Variants in MAP3K8 observed in about 807,000 individuals in gnomAD.
The protein encoded by MAP3K8 is Ewing sarcoma transformant.
MAP3K8 carries 22 observed loss-of-function variants against 45.8 expected under a neutral mutation model. That is an observed-to-expected ratio of 0.48 (90% CI 0.34 to 0.69). The LOEUF (loss-of-function observed/expected upper bound fraction) is 0.69, where lower values mean the gene tolerates loss of function less well. Ranked by LOEUF, MAP3K8 falls within the 30% of genes least tolerant of loss-of-function variation. The pLI is 0.01. For synonymous variants in MAP3K8, 223 were observed against 214.3 expected, an observed-to-expected ratio of 1.04 and a Z score of -0.36; for missense variants, 419 against 585.0, an observed-to-expected ratio of 0.72 and a Z score of 2.93.
Position 30,437,408 on chromosome 10 carries a change from T to TGGTCGTG in MAP3K8, c.-24+2_-24+3insGGTCGTG. On this transcript the variant is annotated splice_region_variant and intron_variant, in intron 2 of 8. Coordinates refer to ENST00000263056, the MANE Select transcript of MAP3K8 (RefSeq NM_005204.4). The stretch of plus-strand genomic sequence containing the variant: ...TAATCCTCACGACCACCTCATGAGG[T>TGGTCGTG]AGGTGCTGTTATTACTTCCATTTTA... 1 of 637,108 alleles carries TGGTCGTG rather than the reference T, an allele frequency of 1.6e-6. No individual in the cohort carries two copies. The highest frequency in any genetic ancestry group is 2.0e-6 in the Non-Finnish European group (1 of 511,684). 39.5% of individuals were successfully genotyped at this position (637,108 alleles called of 1,614,324 possible).
chr10:30,441,556 TAAAACAAGAAGACTAA>T (rs1469004560), intron 3 of MAP3K8, among the ~76,000 whole-genome samples: 1 of 152,126 alleles, frequency 6.6e-6, no homozygotes. Flanking sequence ...ATATAACATA[TAAAACAAGAAGACTAA>T]AAAACAGAAG....
chr10:30,456,614 A>C (rs1322481336), intron 6 of MAP3K8, among the ~76,000 whole-genome samples: 2 of 152,164 alleles, frequency 1.3e-5, no homozygotes, highest in Non-Finnish European at 2.9e-5. Flanking sequence ...CAGGATATTA[A>C]CTACTATATG....
chr10:30,449,780 G>A (rs1170184377), intron 4 of MAP3K8, among the ~76,000 whole-genome samples: 1 of 152,124 alleles, frequency 6.6e-6, no homozygotes, highest in Non-Finnish European at 1.5e-5. Context: ...AAAGTGTTGG[G>A]ATTACAGGCA....
chr10:30,439,996 C>G (rs1374147930), intron 3 of MAP3K8, among the ~76,000 whole-genome samples: 2 of 152,162 alleles, frequency 1.3e-5, no homozygotes, highest in Non-Finnish European at 2.9e-5. Flanking sequence ...GTTATTAATT[C>G]ATTTCTTGCA....
In MAP3K8 at chr10:30,437,383, T is replaced by G; in HGVS notation, c.-47T>G. 1 of 856,936 alleles carries G rather than the reference T, an allele frequency of 1.2e-6. No homozygotes were observed. The allele number at this position is 856,936 out of a possible 1,614,324, so 53.1% of individuals were successfully genotyped here. On this transcript the variant is annotated 5_prime_UTR_variant, in exon 2 of 9. Transcript: ENST00000263056. ...AGCACTTTATGAGCTTGAACTCTGT[T>G]AATCCTCACGACCACCTCATGAGGT...
At chr10:30,452,446 G>A (rs1836578328) in intron 6 of MAP3K8, among the ~76,000 whole-genome samples, 1 of 151,542 alleles carries the variant, frequency 6.6e-6, no homozygotes, top group African/African-American at 2.4e-5. Context: ...TCCAGCCTGG[G>A]CAACAAGAGT....
intron 3 of MAP3K8, among the ~76,000 whole-genome samples, chr10:30,440,706 C>T (rs770534569): frequency 3.4e-4 from 52 of 151,878 alleles, no homozygotes; most frequent in Non-Finnish European, 7.1e-4. Context: ...TTGGAGAACT[C>T]GGGTTCAAAG....
intron 4 of MAP3K8, among the ~76,000 whole-genome samples, chr10:30,449,754 C>T (rs1836472197): frequency 6.6e-6 from 1 of 152,090 alleles, no homozygotes; most frequent in African/African-American, 2.4e-5. Context: ...AAGTGATCTG[C>T]CTGTGTTGGC....
At position 30,460,643 on chromosome 10, in the gene MAP3K8, G is replaced by A. The variant is rs1297279002; in HGVS notation, c.1274-63G>A. On this transcript the variant is annotated intron_variant, in intron 8 of 8. Coordinates refer to ENST00000263056, the MANE Select transcript of MAP3K8 (RefSeq NM_005204.4). ...CCAAAGATTTATTTCACTGCAGAAG[G>A]AACAGGTATTTATCATTTGACACGT... 7 of 1,371,170 alleles carry A rather than the reference G, an allele frequency of 5.1e-6. No individual in the cohort carries two copies. In the Admixed American group the frequency reaches 1.4e-4, roughly 28 times the overall value. The allele number at this position is 1,371,170 out of a possible 1,614,324, so 84.9% of individuals were successfully genotyped here. A position where few individuals can be genotyped will look rare whatever the true frequency, so the allele number is the denominator to read the frequency against.
intron 1 of MAP3K8, chr10:30,434,796 G>A (rs1036829509): frequency 2.0e-6 from 2 of 984,378 alleles, no homozygotes; most frequent in African/African-American, 3.5e-5. Context: ...CAAATGCTGG[G>A]TGCTTTGATA....
In MAP3K8 at chr10:30,450,683, G is replaced by C. The variant is rs1318850355; in HGVS notation, c.766+164G>C. On this transcript the variant is annotated intron_variant, in intron 5 of 8. Coordinates refer to ENST00000263056, the MANE Select transcript of MAP3K8 (RefSeq NM_005204.4). The stretch of plus-strand genomic sequence containing the variant: ...AGAGACATATCTTAGAATCATGCGG[G>C]GTTACTAGAGCTTTCAAAGTCATAA... The C allele has an allele frequency of 4.8e-6, 3 of 623,846 alleles. No homozygotes were observed. In the East Asian group the frequency reaches 8.2e-5, roughly 17 times the overall value. The allele number at this position is 623,846 out of a possible 1,614,324, so 38.6% of individuals were successfully genotyped here. A position where few individuals can be genotyped will look rare whatever the true frequency, so the allele number is the denominator to read the frequency against.
At chr10:30,446,094 T>C (rs917447719) in intron 3 of MAP3K8, among the ~76,000 whole-genome samples, 3 of 152,212 alleles carry the variant, frequency 2.0e-5, no homozygotes, top group Non-Finnish European at 1.5e-5. Context: ...AGTCTCACTG[T>C]GTCACCCAGA....
intron 3 of MAP3K8, among the ~76,000 whole-genome samples, chr10:30,441,646 C>T (rs979636139): frequency 6.6e-6 from 1 of 152,036 alleles, no homozygotes; most frequent in African/African-American, 2.4e-5. Context: ...GCAAATCGAC[C>T]CAGTGGTCGA....
Position 30,437,310 on chromosome 10 carries a change from C to T in MAP3K8, c.-120C>T. 1.0e-6 allele frequency: 1 copy of T among 985,384 alleles called. No homozygotes were observed. The highest frequency in any genetic ancestry group is 1.2e-6 in the Non-Finnish European group (1 of 829,898). 61.0% of individuals were successfully genotyped at this position (985,384 alleles called of 1,614,324 possible). A position where few individuals can be genotyped will look rare whatever the true frequency, so the allele number is the denominator to read the frequency against. On this transcript the variant is annotated 5_prime_UTR_variant, in exon 2 of 9. It introduces an in-frame stop codon into an upstream open reading frame of the 5' UTR. Transcript: ENST00000263056. ...ACTTTTCTCACTCATGCATACAAAG[C>T]AGCTAAAAATGACACAGCTTATTTA...
intron 3 of MAP3K8, among the ~76,000 whole-genome samples, chr10:30,446,213 T>G (rs376249454): frequency 6.6e-6 from 1 of 152,076 alleles, no homozygotes; most frequent in Admixed American, 6.6e-5. Context: ...TTCTGTTACT[T>G]GAAATAAGTT....
At chr10:30,451,231 A>G (rs186677490) in intron 5 of MAP3K8, among the ~76,000 whole-genome samples, 157 of 152,300 alleles carry the variant, frequency 1.0e-3, no homozygotes, top group African/African-American at 3.5e-3. Flanking sequence ...ACTGTTTTCT[A>G]GGAGTCTGAT....
intron 8 of MAP3K8, among the ~76,000 whole-genome samples, chr10:30,459,825 G>C (rs529003615): frequency 6.6e-5 from 10 of 152,066 alleles, no homozygotes; most frequent in Admixed American, 5.2e-4. Flanking sequence ...CTTTGCAGTT[G>C]GTTCTTCTTA....
At chr10:30,452,334 T>A (rs892244114) in intron 6 of MAP3K8, among the ~76,000 whole-genome samples, 1 of 151,952 alleles carries the variant, frequency 6.6e-6, no homozygotes, top group African/African-American at 2.4e-5. Flanking sequence ...CCAGGCGTGG[T>A]GGCGGGCACC....
chr10:30,459,846 T>C (rs550367490), intron 8 of MAP3K8, among the ~76,000 whole-genome samples: 1 of 152,144 alleles, frequency 6.6e-6, no homozygotes, highest in Non-Finnish European at 1.5e-5. Flanking sequence ...ACTCACTTTT[T>C]TTTTCTTTTT....
Sources: gnomAD v4.1 joint callset for allele counts (sites outside exome capture counted in the v4.1 genomes callset) on GRCh38, gnomAD v4.1.1 for gene constraint, MANE v1.5 for transcripts, NCBI Gene and HGNC (gene_info 2026-07-23, HGNC 2026-07-21) for gene names.